The following XIRP2 variants were observed in gnomAD, a reference collection of about 807,000 sequenced individuals.
The protein encoded by XIRP2 is xin actin binding repeat containing 2.
In XIRP2, 236 loss-of-function variants were observed where a neutral mutation model predicts 277.0. The observed-to-expected ratio is 0.85, with a 90% confidence interval of 0.77 to 0.95. XIRP2 has a LOEUF of 0.95. XIRP2 is among the 40% of genes least tolerant of loss of function. XIRP2 has a pLI of 0.00. For missense variants in XIRP2, 4,640 were observed against 4,157.5 expected (o/e 1.12, Z -3.19); for synonymous variants, 1,490 against 1,416.5 (o/e 1.05, Z -1.17).
intron 2 of XIRP2, among the ~76,000 whole-genome samples, chr2:167,083,651 A>C (rs372734579): frequency 6.6e-6 from 1 of 151,812 alleles, no homozygotes; most frequent in Admixed American, 6.6e-5. Flanking sequence ...CCTTGAAGAG[A>C]TCCTTCACAT....
intron 2 of XIRP2, among the ~76,000 whole-genome samples, chr2:166,996,643 TAATA>T (rs1687228660): frequency 6.6e-6 from 1 of 152,052 alleles, no homozygotes; most frequent in Non-Finnish European, 1.5e-5. Context: ...TAAAAATAAA[TAATA>T]AATAAAATGT....
intron 7 of XIRP2, among the ~76,000 whole-genome samples, chr2:167,241,491 A>G (rs1458108384): frequency 6.6e-6 from 1 of 152,232 alleles, no homozygotes; most frequent in Non-Finnish European, 1.5e-5. Flanking sequence ...ACATAATGAA[A>G]TAATGCCATA....
At chr2:167,124,894 T>A (rs1691155555) in intron 2 of XIRP2, among the ~76,000 whole-genome samples, 1 of 152,132 alleles carries the variant, frequency 6.6e-6, no homozygotes, top group Admixed American at 6.6e-5. Flanking sequence ...CCTTTGGGAA[T>A]AGCCAGAAGG....
intron 1 of XIRP2, among the ~76,000 whole-genome samples, chr2:166,896,265 T>C (rs546264511): frequency 1.3e-5 from 2 of 152,284 alleles, no homozygotes; most frequent in Admixed American, 6.5e-5. Context: ...ATGTAAAAGA[T>C]TGACTGCAAA....
rs565503637 is a variant in XIRP2, at chr2:167,131,674, G to C, written c.409-4235G>C. Among the ~76,000 whole-genome samples the C allele has an allele frequency of 5.3e-5, 8 of 152,124 alleles. No homozygotes were observed. In the South Asian group the frequency reaches 1.7e-3, roughly 32 times the overall value. ...CTCCTCTGCCATCCATTTAATGTTG[G>C]CATTTTTCAAGGCTTGGTTCTGGAC... On this transcript the variant is annotated intron_variant, in intron 2 of 10. Coordinates refer to ENST00000409195, the MANE Select transcript of XIRP2 (RefSeq NM_152381.6).
chr2:166,920,022 G>A (rs1261043032), intron 2 of XIRP2, among the ~76,000 whole-genome samples: 17 of 151,936 alleles, frequency 1.1e-4, no homozygotes, highest in Admixed American at 1.1e-3. Context: ...TTTTTATAGG[G>A]CCCACAAATT....
At chr2:167,028,058 C>G (rs956688857) in intron 2 of XIRP2, among the ~76,000 whole-genome samples, 1 of 152,092 alleles carries the variant, frequency 6.6e-6, no homozygotes, top group Non-Finnish European at 1.5e-5. Flanking sequence ...CTTACATTAA[C>G]TCTACTTCTG....
chr2:166,988,553 C>T (rs1687078366), intron 2 of XIRP2, among the ~76,000 whole-genome samples: 2 of 134,606 alleles, frequency 1.5e-5, no homozygotes, highest in Non-Finnish European at 3.2e-5. Flanking sequence ...ATCTGAGGTA[C>T]CGGGTTCATC....
At chr2:166,892,959 T>C (rs113720260) in intron 1 of XIRP2, among the ~76,000 whole-genome samples, 4,689 of 145,944 alleles carry the variant, frequency 0.032, 265 homozygotes, top group African/African-American at 0.11. Flanking sequence ...TGTGTGTGTA[T>C]ATACATATAT....
intron 1 of XIRP2, among the ~76,000 whole-genome samples, chr2:166,899,430 A>T (rs991505315): frequency 2.0e-5 from 3 of 152,096 alleles, no homozygotes; most frequent in Non-Finnish European, 2.9e-5. Context: ...AATGTATACT[A>T]TTATTTCTTC....
chr2:166,979,369 C>CTTTTTTTTT (rs66909002), intron 2 of XIRP2, among the ~76,000 whole-genome samples: 35 of 108,500 alleles, frequency 3.2e-4, no homozygotes, highest in Admixed American at 3.8e-4. Flanking sequence ...CTTTTCTTTT[C>CTTTTTTTTT]TTTTTTTTTT....
intron 2 of XIRP2, among the ~76,000 whole-genome samples, chr2:167,059,409 G>C (rs1689123419): frequency 6.8e-6 from 1 of 146,490 alleles, no homozygotes; most frequent in South Asian, 2.1e-4. Context: ...ACCACGCCTG[G>C]CTGGATTTAA....
At chr2:167,042,428 T>C (rs1293295121) in intron 2 of XIRP2, among the ~76,000 whole-genome samples, 1 of 152,124 alleles carries the variant, frequency 6.6e-6, no homozygotes, top group Non-Finnish European at 1.5e-5. Context: ...CAACTGTATG[T>C]TGCCTTAAAA....
intron 4 of XIRP2, among the ~76,000 whole-genome samples, chr2:167,214,727 C>T (rs931521389): frequency 4.0e-5 from 6 of 151,720 alleles, no homozygotes; most frequent in Non-Finnish European, 7.4e-5. Flanking sequence ...CCACCATGCC[C>T]GGCTAATTTT....
At chr2:166,893,334 T>C (rs1294740025) in intron 1 of XIRP2, among the ~76,000 whole-genome samples, 1 of 152,122 alleles carries the variant, frequency 6.6e-6, no homozygotes, top group East Asian at 1.9e-4. Context: ...AAAAGCCAAC[T>C]GCCTCAATCC....
chr2:167,049,530 GA>G (rs1433126334), intron 2 of XIRP2, among the ~76,000 whole-genome samples: 1 of 150,632 alleles, frequency 6.6e-6, no homozygotes, highest in Admixed American at 6.6e-5. Flanking sequence ...ACATAATTAA[GA>G]AAAGCATACA....
chr2:166,958,856 C>T (rs1269101982), intron 2 of XIRP2, among the ~76,000 whole-genome samples: 1 of 151,756 alleles, frequency 6.6e-6, no homozygotes, highest in Non-Finnish European at 1.5e-5. Context: ...AAATAATCAG[C>T]CTTTCATTCA....
At chr2:166,952,021 A>G (rs1196304536) in intron 2 of XIRP2, among the ~76,000 whole-genome samples, 1 of 151,998 alleles carries the variant, frequency 6.6e-6, no homozygotes, top group Non-Finnish European at 1.5e-5. Context: ...TTCATCTATA[A>G]CAGGAGGATA....
chr2:167,012,589 T>C (rs1415357975), intron 2 of XIRP2, among the ~76,000 whole-genome samples: 1 of 151,684 alleles, frequency 6.6e-6, no homozygotes, highest in African/African-American at 2.4e-5. Context: ...TTCCCATCAT[T>C]ATGACATAGT....
Sources: gnomAD v4.1 joint callset for allele counts (sites outside exome capture counted in the v4.1 genomes callset) on GRCh38, gnomAD v4.1.1 for gene constraint, MANE v1.5 for transcripts, NCBI Gene and HGNC (gene_info 2026-07-23, HGNC 2026-07-21) for gene names.